Variants in MCM6 observed in about 807,000 individuals in gnomAD.
MCM6 encodes minichromosome maintenance complex component 6.
MCM6 carries 46 observed loss-of-function variants against 94.3 expected under a neutral mutation model. The ratio of observed to expected loss-of-function variants is 0.49; its 90% CI spans 0.39 to 0.62. The LOEUF is 0.62. Among genes scored for constraint, MCM6 ranks in the 20% least tolerant of loss-of-function variants. The probability of loss-of-function intolerance (pLI) is 0.00; values close to 1 mark genes in which losing one functional copy is unlikely to be tolerated. For synonymous variants in MCM6, 335 were observed against 351.9 expected, an observed-to-expected ratio of 0.95 and a Z score of 0.54; for missense variants, 865 against 1,017.9, an observed-to-expected ratio of 0.85 and a Z score of 2.04.
At chr2:135,862,787 T>C (rs1403876514) in intron 7 of MCM6, 39 bp from the exon 8 acceptor site, 1 of 1,607,486 alleles carries the variant, frequency 6.2e-7, no homozygotes, top group Admixed American at 1.7e-5. Context: ...AACTAATTTT[T>C]CAACATGAAG....
chr2:135,870,216 G>C (rs755778123), intron 3 of MCM6, 35 bp downstream of exon 3: 1 of 1,506,106 alleles, frequency 6.6e-7, no homozygotes, highest in South Asian at 1.1e-5. Context: ...ATACCATTTG[G>C]TGAATTCCTT....
chr2:135,863,084 T>A (rs1680026470), intron 7 of MCM6, among the ~76,000 whole-genome samples: 1 of 152,206 alleles, frequency 6.6e-6, no homozygotes, highest in South Asian at 2.1e-4. Flanking sequence ...ATAAATGAAC[T>A]ATGTCCACCA....
intron 7 of MCM6, among the ~76,000 whole-genome samples, chr2:135,863,684 T>C (rs1010436643): frequency 1.3e-5 from 2 of 151,956 alleles, no homozygotes; most frequent in Admixed American, 6.6e-5. Context: ...AGGCAATGTA[T>C]GCTGTCACTG....
chr2:135,862,093 A>C (rs1318566887), intron 8 of MCM6, among the ~76,000 whole-genome samples: 2 of 152,106 alleles, frequency 1.3e-5, no homozygotes, highest in Non-Finnish European at 2.9e-5. Context: ...GGGCTAAGAA[A>C]ATGATTTTGT....
At chr2:135,847,630 C>T (rs913435700) in intron 14 of MCM6, among the ~76,000 whole-genome samples, 1 of 152,230 alleles carries the variant, frequency 6.6e-6, no homozygotes, top group Admixed American at 6.5e-5. Context: ...GTGGCACAAT[C>T]TCAGCTCACT....
chr2:135,844,926 T>A (rs566171186), intron 15 of MCM6, among the ~76,000 whole-genome samples: 4 of 152,202 alleles, frequency 2.6e-5, no homozygotes, highest in African/African-American at 9.7e-5. Context: ...TAAAATAGAT[T>A]ATAAGAAATA....
intron 8 of MCM6, among the ~76,000 whole-genome samples, chr2:135,861,859 G>A (rs984163377): frequency 5.9e-5 from 9 of 152,048 alleles, no homozygotes; most frequent in Non-Finnish European, 1.2e-4. Context: ...CTCATGATCC[G>A]CCCGCCTTGA....
chr2:135,843,231 G>A (rs1199196937), intron 16 of MCM6, among the ~76,000 whole-genome samples: 1 of 152,168 alleles, frequency 6.6e-6, no homozygotes, highest in Non-Finnish European at 1.5e-5. Context: ...TGCAAACAGG[G>A]AAGAACAACT....
At chr2:135,875,408 C>T (rs1284854132) in intron 1 of MCM6, among the ~76,000 whole-genome samples, 2 of 151,774 alleles carry the variant, frequency 1.3e-5, no homozygotes, top group African/African-American at 2.4e-5. Context: ...GACGGCTGCA[C>T]AACGAGGTGA....
At position 135,876,346 on chromosome 2, in the gene MCM6, G is replaced by C. The variant is rs750702190; in HGVS notation, c.20C>G (p.Ala7Gly). ...GTGCTGGCTGCCGGCGCCCGGCTCC[G>C]CTGCCGCCGCGAGGTCCATATTTGC... MDLAAAAEPGAGSQHLE... is the reference protein window; with the variant it reads MDLAAAGEPGAGSQHLE... The change falls in exon 1 of 17, where the codon GCG becomes GGG. Residue 7 changes from alanine (A) to glycine (G), a missense_variant. Around this residue, in one of 3 missense-constraint regions of MCM6, gnomAD observed 404 missense variants for 451.9 expected, o/e 0.89. Coordinates refer to ENST00000264156, the MANE Select transcript of MCM6 (RefSeq NM_005915.6). The C allele has an allele frequency of 2.5e-5, 40 of 1,607,624 alleles. No individual in the cohort carries two copies. Among genetic ancestry groups the C allele is most frequent in the Non-Finnish European group, 3.2e-5 (38 of 1,179,000 alleles).
Position 135,865,029 on chromosome 2 carries a change from C to A in MCM6, c.1062G>T (p.Leu354=). ...AATTCTTACCATGTATAGTAGGGAACAGGCTGGTACAAAGATTGTGGTATA... is the reference window on the plus strand; with the variant it reads ...AATTCTTACCATGTATAGTAGGGAAAAGGCTGGTACAAAGATTGTGGTATA... ...KNLYHNLCTS[L]FPTIHGNDEV... Residue 354 remains leucine (L), a synonymous_variant, in exon 7 of 17, where the codon CTG becomes CTT. Coordinates refer to ENST00000264156, the MANE Select transcript of MCM6 (RefSeq NM_005915.6). 6 of 1,492,002 alleles carry A rather than the reference C, an allele frequency of 4.0e-6. No individual in the cohort carries two copies. Among genetic ancestry groups the A allele is most frequent in the Non-Finnish European group, 5.4e-6 (6 of 1,120,102 alleles). The allele number at this position is 1,492,002 out of a possible 1,614,324, so 92.4% of individuals were successfully genotyped here. A position where few individuals can be genotyped will look rare whatever the true frequency, so the allele number is the denominator to read the frequency against.
At chr2:135,842,130 A>AAATG (rs1679584225) in intron 16 of MCM6, among the ~76,000 whole-genome samples, 1 of 152,022 alleles carries the variant, frequency 6.6e-6, no homozygotes, top group African/African-American at 2.4e-5. Flanking sequence ...ATAAATAAAT[A>AAATG]AATAGGTAAT....
intron 8 of MCM6, among the ~76,000 whole-genome samples, chr2:135,860,356 G>T (rs1420429094): frequency 6.6e-6 from 1 of 151,056 alleles, no homozygotes; most frequent in Non-Finnish European, 1.5e-5. Context: ...GGACGGTCTC[G>T]ATCTCCTGAC....
chr2:135,869,471 G>A (rs185677115), intron 3 of MCM6, among the ~76,000 whole-genome samples: 4 of 147,170 alleles, frequency 2.7e-5, no homozygotes, highest in African/African-American at 7.5e-5. Context: ...TTGCTTACCC[G>A]CAATTTCTAA....
chr2:135,860,367 C>A (rs2105584568), intron 8 of MCM6, among the ~76,000 whole-genome samples: 1 of 152,096 alleles, frequency 6.6e-6, no homozygotes, highest in South Asian at 2.1e-4. Flanking sequence ...ATCTCCTGAC[C>A]TCATGATCCA....
chr2:135,866,367 A>T lies in MCM6; in HGVS notation c.782-90T>A, dbSNP rs1318618944. The stretch of plus-strand genomic sequence containing the variant: ...CAAATAAATGAAAGCTATAAATCCA[A>T]AGACTTCACTTAAGCCTTGAATACT... On this transcript the variant is annotated intron_variant, in intron 5 of 16. Transcript: ENST00000264156. The T allele has an allele frequency of 8.6e-6, 13 of 1,508,080 alleles. No individual in the cohort carries two copies. In the East Asian group the frequency reaches 1.8e-4, roughly 21 times the overall value. 93.4% of individuals were successfully genotyped at this position (1,508,080 alleles called of 1,614,324 possible). A position where few individuals can be genotyped will look rare whatever the true frequency, so the allele number is the denominator to read the frequency against.
Position 135,868,509 on chromosome 2 carries a change from T to C in MCM6, c.615+102A>G, listed in dbSNP as rs929376227. ...TCATTTTGATGATGCTTAACTTACA[T>C]AAAAATTGAGTTGAACATTATCTAA... On this transcript the variant is annotated intron_variant, in intron 4 of 16. Transcript: ENST00000264156. 4.1e-6 allele frequency: 5 copies of C among 1,224,892 alleles called. No individual in the cohort carries two copies. The Admixed American group carries it at 6.2e-5, about 15-fold the overall frequency. 75.9% of individuals were successfully genotyped at this position (1,224,892 alleles called of 1,614,324 possible).
At chr2:135,874,807 G>A (rs895618022) in intron 1 of MCM6, among the ~76,000 whole-genome samples, 6 of 152,122 alleles carry the variant, frequency 3.9e-5, no homozygotes, top group African/African-American at 1.4e-4. Context: ...TTTCAGAAAA[G>A]GGATACTCAA....
chr2:135,860,946 A>G (rs1267924202), intron 8 of MCM6, among the ~76,000 whole-genome samples: 1 of 152,204 alleles, frequency 6.6e-6, no homozygotes, highest in African/African-American at 2.4e-5. Flanking sequence ...TACAGATTTT[A>G]TACATAGAAA....
Sources: allele counts gnomAD v4.1 joint callset (sites outside exome capture counted in the v4.1 genomes callset), GRCh38; gene constraint gnomAD v4.1.1; regional missense constraint gnomAD v4.1.1; transcripts MANE v1.5; gene names NCBI Gene and HGNC (gene_info 2026-07-23, HGNC 2026-07-21).